Variants in FAT4 observed in about 807,000 individuals in gnomAD.
The protein encoded by FAT4 is protocadherin Fat 4.
In FAT4, 84 loss-of-function variants were observed where a neutral mutation model predicts 303.9. The observed-to-expected ratio is 0.28, with a 90% CI of 0.23 to 0.33. The LOEUF is 0.33. FAT4 is among the 10% of genes least tolerant of loss of function. The pLI is 1.00. For missense variants in FAT4, 6,005 were observed against 6,146.8 expected, an observed-to-expected ratio of 0.98 and a Z score of 0.77; for synonymous variants, 2,307 against 2,298.8, an observed-to-expected ratio of 1.00 and a Z score of -0.10.
At chr4:125,384,688 G>A (rs1267867627) in intron 2 of FAT4, among the ~76,000 whole-genome samples, 1 of 151,972 alleles carries the variant, frequency 6.6e-6, no homozygotes, top group Non-Finnish European at 1.5e-5. Flanking sequence ...TCTATCACTT[G>A]TGCTTTTCCT....
At position 125,348,322 on chromosome 4, in the gene FAT4, CA is replaced by C. The variant is rs968249929; in HGVS notation, c.5175+26738del. Among the ~76,000 whole-genome samples, 12 of 151,738 alleles carry C rather than the reference CA, an allele frequency of 7.9e-5. No individual in the cohort carries two copies. The South Asian group carries it at 1.2e-3, about 16-fold the overall frequency. On this transcript the variant is annotated intron_variant, in intron 2 of 17. Coordinates refer to ENST00000394329, the MANE Select transcript of FAT4 (RefSeq NM_001291303.3). ...ATACAACTTTAGAGTTCAGAGAACA[CA>C]ACAAAATAGTAGGGTGCCCACATCT...
chr4:125,344,222 C>T (rs543295522), intron 2 of FAT4, among the ~76,000 whole-genome samples: 1 of 152,250 alleles, frequency 6.6e-6, no homozygotes, highest in East Asian at 1.9e-4. Context: ...ATGTATTCTA[C>T]TATATTCTAC....
At chr4:125,359,438 T>G (rs1732565490) in intron 2 of FAT4, among the ~76,000 whole-genome samples, 1 of 152,198 alleles carries the variant, frequency 6.6e-6, no homozygotes, top group African/African-American at 2.4e-5. Flanking sequence ...ATTCATTAAG[T>G]GGGATATTTT....
chr4:125,404,459 C>T (rs928409854), intron 3 of FAT4, among the ~76,000 whole-genome samples: 4 of 152,060 alleles, frequency 2.6e-5, no homozygotes, highest in African/African-American at 9.7e-5. Flanking sequence ...TTCTTTTGTT[C>T]TATATTAAAA....
chr4:125,479,440 CAA>C (rs564913335), intron 14 of FAT4, among the ~76,000 whole-genome samples: 1 of 152,050 alleles, frequency 6.6e-6, no homozygotes, highest in Non-Finnish European at 1.5e-5. Context: ...ATGTATTAAC[CAA>C]AGTGTTTATT....
Position 125,316,505 on chromosome 4 carries a change from T to A in FAT4, c.94T>A (p.Ser32Thr), listed in dbSNP as rs1355352373. The A allele has an allele frequency of 1.4e-5, 23 of 1,613,926 alleles. No homozygotes were observed. Among genetic ancestry groups the A allele is most frequent in the Non-Finnish European group, 1.9e-5 (22 of 1,180,016 alleles). Residue 32 changes from serine to threonine, a missense_variant, in exon 2 of 18, where the codon TCA (serine) becomes ACA (threonine). Transcript: ENST00000394329. The surrounding 1 kb of genome is among the most constrained non-coding windows in gnomAD (Gnocchi z 5.7). ...SQLLRVFWLL[S>T]LLPGQAWVHG... Reference sequence around the variant, plus strand: ...GCTCCTTCGAGTGTTTTGGCTACTGTCATTGCTTCCGGGGCAGGCCTGGGT... The same window carrying A: ...GCTCCTTCGAGTGTTTTGGCTACTGACATTGCTTCCGGGGCAGGCCTGGGT...
At chr4:125,432,856 G>A (rs1725328065) in intron 7 of FAT4, among the ~76,000 whole-genome samples, 1 of 152,040 alleles carries the variant, frequency 6.6e-6, no homozygotes, top group Non-Finnish European at 1.5e-5. Context: ...TCAGTGTGCA[G>A]TCTAAATTTA....
intron 5 of FAT4, among the ~76,000 whole-genome samples, chr4:125,411,317 G>A (rs977109505): frequency 6.6e-6 from 1 of 151,882 alleles, no homozygotes; most frequent in Non-Finnish European, 1.5e-5. Flanking sequence ...AGACTACTAA[G>A]CATGCGGTAT....
chr4:125,450,851 T>G lies in FAT4; in HGVS notation c.9841T>G (p.Cys3281Gly). 4 of 1,614,086 alleles carry G rather than the reference T, an allele frequency of 2.5e-6. No homozygotes were observed. The Admixed American group carries it at 6.7e-5, about 27-fold the overall frequency. Reference protein sequence around the residue: ...KAFNVPDEERCSFATVNIQLK... With the variant: ...KAFNVPDEERGSFATVNIQLK... ...CTTCAATGTCCCCGATGAGGAAAGGTGTAGCTTTGCCACTGTTAATATACA... is the reference window on the plus strand; with the variant it reads ...CTTCAATGTCCCCGATGAGGAAAGGGGTAGCTTTGCCACTGTTAATATACA... Residue 3281 changes from cysteine (C) to glycine (G), a missense_variant, in exon 10 of 18, where the codon TGT (cysteine) becomes GGT (glycine). By Grantham distance (159) the Cys-to-Gly change is radical. Coordinates refer to ENST00000394329, the MANE Select transcript of FAT4 (RefSeq NM_001291303.3).
intron 10 of FAT4, among the ~76,000 whole-genome samples, chr4:125,458,709 G>A (rs1726379710): frequency 6.6e-6 from 1 of 151,914 alleles, no homozygotes; most frequent in Non-Finnish European, 1.5e-5. Context: ...TGAACATTAT[G>A]TGTGTAATCA....
chr4:125,396,924 GTGTATATATATATA>G (rs1560797357), intron 2 of FAT4, among the ~76,000 whole-genome samples: 2 of 19,446 alleles, frequency 1.0e-4, no homozygotes, highest in Non-Finnish European at 1.6e-4. Flanking sequence ...GTATGTGTGT[GTGTATATATATATA>G]TATATATATA....
intron 2 of FAT4, among the ~76,000 whole-genome samples, chr4:125,356,913 T>C (rs985972844): frequency 3.3e-5 from 5 of 151,828 alleles, no homozygotes; most frequent in Non-Finnish European, 5.9e-5. Flanking sequence ...TCTCCACTAG[T>C]TCTTTGTTGA....
At chr4:125,364,044 A>T (rs970567100) in intron 2 of FAT4, among the ~76,000 whole-genome samples, 1 of 152,146 alleles carries the variant, frequency 6.6e-6, no homozygotes, top group Non-Finnish European at 1.5e-5. Flanking sequence ...GAGCAGAAAC[A>T]GTTGTCCGTT....
Position 125,451,256 on chromosome 4 carries a change from A to G in FAT4, c.10246A>G (p.Ser3416Gly), listed in dbSNP as rs755037679. The G allele has an allele frequency of 2.5e-6, 4 of 1,614,078 alleles. No individual in the cohort carries two copies. Among genetic ancestry groups the G allele is most frequent in the Admixed American group, 1.7e-5 (1 of 60,006 alleles). The change falls in exon 10 of 18, where the codon AGT (serine) becomes GGT (glycine). Residue 3416 changes from serine to glycine, a missense_variant. Ser to Gly is a moderately conservative substitution (Grantham distance 56, BLOSUM62 0). Coordinates refer to ENST00000394329, the MANE Select transcript of FAT4 (RefSeq NM_001291303.3). ...TCTAAACATCTACAGTGTGCAGATC[A>G]GTGAAGGGGTCCCAATAGGAACTCA... ...FTLNIYSVQI[S>G]EGVPIGTHVT...
intron 15 of FAT4, 84 bp downstream of exon 15, chr4:125,479,949 A>T (rs1727166452): frequency 3.8e-6 from 4 of 1,060,262 alleles, no homozygotes; most frequent in Admixed American, 3.1e-5. Context: ...TAATCAAATT[A>T]AAAATTATGC....
At position 125,317,707 on chromosome 4, in the gene FAT4, T is replaced by A; in HGVS notation, c.1296T>A (p.Pro432=). 6.2e-7 allele frequency: 1 copy of A among 1,614,086 alleles called. No homozygotes were observed. Among genetic ancestry groups the A allele is most frequent in the Non-Finnish European group, 8.5e-7 (1 of 1,180,018 alleles). ...VASALDRERI[P]SYNLTVSVSD... ...GCGCCTTGGACCGCGAGCGCATCCC[T>A]TCCTACAACCTCACAGTTTCCGTCT... Residue 432 remains proline (P), a synonymous_variant, in exon 2 of 18, where the codon CCT becomes CCA. Coordinates refer to ENST00000394329, the MANE Select transcript of FAT4 (RefSeq NM_001291303.3). This position sits in a 1 kb window ranked among gnomAD's most constrained non-coding sequence, Gnocchi z 7.0.
At chr4:125,394,858 G>C (rs1369331047) in intron 2 of FAT4, among the ~76,000 whole-genome samples, 2 of 152,132 alleles carry the variant, frequency 1.3e-5, no homozygotes, top group African/African-American at 4.8e-5. Context: ...TTTTCCCAGG[G>C]ATGACTGCTT....
chr4:125,484,456 G>A (rs1001401612), intron 16 of FAT4, among the ~76,000 whole-genome samples: 4 of 151,944 alleles, frequency 2.6e-5, no homozygotes, highest in Non-Finnish European at 5.9e-5. Flanking sequence ...CAGTTCTTTT[G>A]TGTTTGTCTG....
chr4:125,403,696 A>G (rs1213487580), intron 3 of FAT4, among the ~76,000 whole-genome samples: 1 of 152,182 alleles, frequency 6.6e-6, no homozygotes, highest in Admixed American at 6.6e-5. Context: ...TTTATCCTGC[A>G]TCAAAGCAGG....
Sources: allele counts gnomAD v4.1 joint callset (sites outside exome capture counted in the v4.1 genomes callset), GRCh38; gene constraint gnomAD v4.1.1; non-coding constraint Gnocchi (gnomAD v3.1); transcripts MANE v1.5; gene names NCBI Gene and HGNC (gene_info 2026-07-23, HGNC 2026-07-21).